Variants in CSMD3 observed in about 807,000 individuals in gnomAD.
CSMD3 encodes the protein CUB and sushi domain-containing protein 3.
A neutral mutation model predicts 435.2 loss-of-function variants in CSMD3; 177 were observed. That is an observed-to-expected ratio of 0.41 (90% CI 0.36 to 0.46). The LOEUF is 0.46. Ranked by LOEUF, CSMD3 falls within the 20% of genes least tolerant of loss-of-function variation. The pLI, the probability that CSMD3 is intolerant of heterozygous loss-of-function variation, is 0.34. For missense variants in CSMD3, 4,265 were observed against 4,504.6 expected (o/e 0.95, Z 1.52); for synonymous variants, 1,656 against 1,520.5 (o/e 1.09, Z -2.07).
At chr8:112,225,049 A>C in intron 70 of CSMD3, 119 bp from the exon 71 acceptor site, 1 of 985,208 alleles carries the variant, frequency 1.0e-6, no homozygotes, top group Non-Finnish European at 1.6e-6. Flanking sequence ...TAATTGAGAC[A>C]TCATAAACAC....
chr8:112,288,691 C>A (rs1017710165), intron 57 of CSMD3, among the ~76,000 whole-genome samples: 4 of 151,722 alleles, frequency 2.6e-5, no homozygotes, highest in African/African-American at 9.7e-5. Flanking sequence ...AGATCTAAAA[C>A]GTAAATGGTG....
At chr8:112,540,654 A>G (rs1826578526) in intron 27 of CSMD3, among the ~76,000 whole-genome samples, 1 of 152,094 alleles carries the variant, frequency 6.6e-6, no homozygotes, top group Non-Finnish European at 1.5e-5. Context: ...AGAGGACATT[A>G]TGTTACGTGA....
chr8:112,276,446 G>A (rs923855535), intron 59 of CSMD3, among the ~76,000 whole-genome samples: 3 of 152,088 alleles, frequency 2.0e-5, no homozygotes, highest in Non-Finnish European at 2.9e-5. Flanking sequence ...CTCTGTGTAG[G>A]GGCTCCAACC....
Position 112,300,741 on chromosome 8 carries a change from A to G in CSMD3, c.8440+1052T>C, listed in dbSNP as rs140909144. Among the ~76,000 whole-genome samples the G allele has an allele frequency of 2.5e-3, 376 of 152,314 alleles. 1 individual carries two copies. Among genetic ancestry groups the G allele is most frequent in the African/African-American group, 8.7e-3 (361 of 41,580 alleles). On this transcript the variant is annotated intron_variant, in intron 53 of 70. Transcript: ENST00000297405. The stretch of plus-strand genomic sequence containing the variant: ...AGAAATTGTTGCTGGGCTTCCAAGC[A>G]TAACTATTAACAAATGTGCCTGAGA...
At chr8:113,337,128 C>T (rs2094082125) in intron 1 of CSMD3, among the ~76,000 whole-genome samples, 1 of 152,094 alleles carries the variant, frequency 6.6e-6, no homozygotes, top group Non-Finnish European at 1.5e-5. Context: ...TTCCAAGTTA[C>T]TGGCTTATTT....
At chr8:112,710,189 A>G (rs951426631) in intron 13 of CSMD3, among the ~76,000 whole-genome samples, 1 of 152,130 alleles carries the variant, frequency 6.6e-6, no homozygotes, top group Non-Finnish European at 1.5e-5. Context: ...CTTTGAATAA[A>G]GCCAACACAG....
intron 5 of CSMD3, among the ~76,000 whole-genome samples, chr8:113,026,994 G>A (rs2086899584): frequency 6.6e-6 from 1 of 152,094 alleles, no homozygotes; most frequent in South Asian, 2.1e-4. Context: ...TCAAACTGTA[G>A]ATAATGAATT....
At chr8:113,133,446 T>C (rs7818176) in intron 4 of CSMD3, among the ~76,000 whole-genome samples, 50,633 of 151,858 alleles carry the variant, frequency 0.33, 9,284 homozygotes, top group East Asian at 0.69. Flanking sequence ...TTGGCAAAAA[T>C]GTGGAATAAA....
intron 4 of CSMD3, among the ~76,000 whole-genome samples, chr8:113,150,749 TACC>T (rs1343453027): frequency 2.0e-5 from 3 of 152,048 alleles, no homozygotes; most frequent in African/African-American, 4.8e-5. Flanking sequence ...ATTTATTCAT[TACC>T]ACTATATGTA....
At chr8:113,117,527 C>T (rs778754088) in intron 4 of CSMD3, among the ~76,000 whole-genome samples, 1 of 152,164 alleles carries the variant, frequency 6.6e-6, no homozygotes, top group African/African-American at 2.4e-5. Flanking sequence ...GTTTGAGTCA[C>T]CACACAGAGT....
intron 3 of CSMD3, among the ~76,000 whole-genome samples, chr8:113,240,443 A>C (rs1339377071): frequency 6.6e-6 from 1 of 152,176 alleles, no homozygotes; most frequent in Non-Finnish European, 1.5e-5. Flanking sequence ...ATTGTCTTCC[A>C]CAGTGGCTTA....
chr8:112,426,718 G>A (rs1319585481), intron 32 of CSMD3, among the ~76,000 whole-genome samples: 1 of 152,078 alleles, frequency 6.6e-6, no homozygotes, highest in Non-Finnish European at 1.5e-5. Flanking sequence ...ATAAATTATT[G>A]CACTATTTTG....
At chr8:113,291,219 G>A (rs1324701645) in intron 2 of CSMD3, among the ~76,000 whole-genome samples, 1 of 151,590 alleles carries the variant, frequency 6.6e-6, no homozygotes, top group Non-Finnish European at 1.5e-5. Context: ...ATGTTTTGCT[G>A]TCTATTATGT....
At chr8:112,861,715 A>C (rs2080831688) in intron 10 of CSMD3, among the ~76,000 whole-genome samples, 1 of 151,882 alleles carries the variant, frequency 6.6e-6, no homozygotes, top group Non-Finnish European at 1.5e-5. Flanking sequence ...CCTGATAAGG[A>C]ATGTAGCGTG....
intron 5 of CSMD3, among the ~76,000 whole-genome samples, chr8:113,081,599 C>T (rs779204226): frequency 2.4e-4 from 37 of 152,180 alleles, no homozygotes; most frequent in Admixed American, 4.6e-4. Context: ...GGGTCTCTCC[C>T]GCCTTCTAGG....
intron 14 of CSMD3, among the ~76,000 whole-genome samples, chr8:112,687,743 C>T (rs574229505): frequency 3.3e-5 from 5 of 152,162 alleles, no homozygotes; most frequent in African/African-American, 9.6e-5. Context: ...ATGTGTTTGG[C>T]TTGATTTTTT....
chr8:112,718,272 T>C (rs926047957), intron 13 of CSMD3, among the ~76,000 whole-genome samples: 1 of 152,010 alleles, frequency 6.6e-6, no homozygotes, highest in Non-Finnish European at 1.5e-5. Flanking sequence ...CTGTCTCTTC[T>C]ATATACTATG....
At chr8:113,057,491 G>A (rs555545706) in intron 5 of CSMD3, among the ~76,000 whole-genome samples, 2 of 151,874 alleles carry the variant, frequency 1.3e-5, no homozygotes, top group East Asian at 1.9e-4. Flanking sequence ...AATCTCATTA[G>A]AGCCAAAAAT....
chr8:113,040,456 T>A (rs1198833988), intron 5 of CSMD3, among the ~76,000 whole-genome samples: 3 of 152,180 alleles, frequency 2.0e-5, no homozygotes, highest in African/African-American at 7.2e-5. Flanking sequence ...CAGGTGGAAG[T>A]TACTTGAATA....
Sources: allele counts gnomAD v4.1 joint callset (sites outside exome capture counted in the v4.1 genomes callset), GRCh38; gene constraint gnomAD v4.1.1; transcripts MANE v1.5; gene names NCBI Gene and HGNC (gene_info 2026-07-23, HGNC 2026-07-21).